UBR4: variants seen among roughly 807,000 people sequenced by gnomAD.
UBR4 encodes the protein E3 ubiquitin-protein ligase UBR4.
Under a neutral mutation model 575.6 loss-of-function variants are expected in UBR4, and 124 were observed. The ratio of observed to expected loss-of-function variants is 0.22; its 90% CI spans 0.19 to 0.25. The LOEUF is 0.25. UBR4 is among the 10% of genes least tolerant of loss of function. The pLI is 1.00. For synonymous variants in UBR4, 2,455 were observed against 2,473.7 expected, an observed-to-expected ratio of 0.99 and a Z score of 0.22; for missense variants, 4,818 against 6,478.8, an observed-to-expected ratio of 0.74 and a Z score of 8.80.
chr1:19,181,942 A>T (rs551015687), intron 17 of UBR4, among the ~76,000 whole-genome samples: 38 of 152,100 alleles, frequency 2.5e-4, no homozygotes, highest in Non-Finnish European at 4.9e-4. Context: ...CACTGTACCC[A>T]CTAAACACCA....
chr1:19,114,387 A>G (rs2080242265), intron 75 of UBR4, among the ~76,000 whole-genome samples: 1 of 152,182 alleles, frequency 6.6e-6, no homozygotes, highest in South Asian at 2.1e-4. Flanking sequence ...TCTTCTGTTA[A>G]CCCTATAGGT....
At position 19,178,919 on chromosome 1, in the gene UBR4, C is replaced by T. The variant is rs531112234; in HGVS notation, c.2354+132G>A. 3.8e-4 allele frequency: 446 copies of T among 1,165,876 alleles called. 1 individual carries two copies. The highest frequency in any genetic ancestry group is 7.0e-4 in the South Asian group (49 of 69,596). 72.2% of individuals were successfully genotyped at this position (1,165,876 alleles called of 1,614,324 possible). A position where few individuals can be genotyped will look rare whatever the true frequency, so the allele number is the denominator to read the frequency against. On this transcript the variant is annotated intron_variant, in intron 18 of 105. Coordinates refer to ENST00000375254, the MANE Select transcript of UBR4 (RefSeq NM_020765.3). ...TAACAGCACATCTCCAAGTCCATCCCTCTTCTACCCTCCCCACTCTAAACA... is the reference window on the plus strand; with the variant it reads ...TAACAGCACATCTCCAAGTCCATCCTTCTTCTACCCTCCCCACTCTAAACA...
Position 19,121,081 on chromosome 1 carries a change from C to A in UBR4, c.10141+108G>T. The A allele has an allele frequency of 2.7e-6, 4 of 1,470,716 alleles. No homozygotes were observed. The South Asian group carries it at 4.1e-5, about 15-fold the overall frequency. The allele number at this position is 1,470,716 out of a possible 1,614,324, so 91.1% of individuals were successfully genotyped here. A position where few individuals can be genotyped will look rare whatever the true frequency, so the allele number is the denominator to read the frequency against. ...ACTAGAGAACATTTGGGCTTTAAGTCCCCTCTAAATCAGGATTAAAAGACC... is the reference window on the plus strand; with the variant it reads ...ACTAGAGAACATTTGGGCTTTAAGTACCCTCTAAATCAGGATTAAAAGACC... On this transcript the variant is annotated intron_variant, in intron 68 of 105. Coordinates refer to ENST00000375254, the MANE Select transcript of UBR4 (RefSeq NM_020765.3).
Position 19,100,253 on chromosome 1 carries a change from T to C in UBR4, c.13221+123A>G. On this transcript the variant is annotated intron_variant, in intron 89 of 105. Transcript: ENST00000375254. The surrounding 1 kb of genome is among the most constrained non-coding windows in gnomAD (Gnocchi z 4.2). Reference sequence around the variant, plus strand: ...GAATCATTAACCCCAACTTACAGAGTGGAGAAACTGAAGGCCACCTGCCCC... The same window carrying C: ...GAATCATTAACCCCAACTTACAGAGCGGAGAAACTGAAGGCCACCTGCCCC... The C allele has an allele frequency of 2.0e-6, 2 of 991,824 alleles. No homozygotes were observed. The highest frequency in any genetic ancestry group is 3.1e-6 in the Non-Finnish European group (2 of 647,968). The allele number at this position is 991,824 out of a possible 1,614,324, so 61.4% of individuals were successfully genotyped here.
Position 19,192,242 on chromosome 1 carries a change from A to G in UBR4, c.1340T>C (p.Ile447Thr). The G allele has an allele frequency of 2.5e-6, 4 of 1,614,218 alleles. No homozygotes were observed. Among genetic ancestry groups the G allele is most frequent in the Non-Finnish European group, 3.4e-6 (4 of 1,180,028 alleles). The change falls in exon 11 of 106, where the codon ATC becomes ACC. Residue 447 changes from isoleucine to threonine, a missense_variant. Ile to Thr is a moderately conservative substitution (Grantham distance 89). Around this residue, in one of 29 missense-constraint regions of UBR4, gnomAD observed 162 missense variants for 216.4 expected, o/e 0.75. Coordinates refer to ENST00000375254, the MANE Select transcript of UBR4 (RefSeq NM_020765.3). The stretch of plus-strand genomic sequence containing the variant: ...CACTCCCTCTTTAGTACGAGAAAGG[A>G]TGTCTCTGACTCGGAGGGCAGCCAG... ...DPLAALRVRDILSRTKEGVGS... is the reference protein window; with the variant it reads ...DPLAALRVRDTLSRTKEGVGS...
intron 105 of UBR4, chr1:19,075,247 G>C (rs2075809289): frequency 3.3e-6 from 1 of 306,876 alleles, no homozygotes; most frequent in Admixed American, 4.6e-5. Context: ...GCCTGGCAAA[G>C]GCTCTGGCTC....
In UBR4 at chr1:19,177,542, C is replaced by A; in HGVS notation, c.2556G>T (p.Pro852=). Residue 852 remains proline (P), a synonymous_variant, in exon 19 of 106, where the codon CCG becomes CCT. Transcript: ENST00000375254. ...TGAGAAGGAGGCGAGCCAAGATAAG[C>A]GGCACGAAGCGCATCTGAGCATCCA... ...VNMDAQMRFV[P]LILARLLLIF... 1.2e-6 allele frequency: 2 copies of A among 1,613,874 alleles called. No homozygotes were observed. The highest frequency in any genetic ancestry group is 1.7e-6 in the Non-Finnish European group (2 of 1,179,994).
chr1:19,117,047 A>T lies in UBR4; in HGVS notation c.10823+174T>A, dbSNP rs2080624005. 6.6e-6 allele frequency among the ~76,000 whole-genome samples: 1 copy of T among 152,184 alleles called. No homozygotes were observed. The highest frequency in any genetic ancestry group is 6.5e-5 in the Admixed American group (1 of 15,278). On this transcript the variant is annotated intron_variant, in intron 73 of 105. Coordinates refer to ENST00000375254, the MANE Select transcript of UBR4 (RefSeq NM_020765.3). This position sits in a 1 kb window ranked among gnomAD's most constrained non-coding sequence, Gnocchi z 4.0. ...GGCTAATTTAGAAATAATCTTTGTC[A>T]ACATGCTTAGAACTGTTGTTTCACT... is the stretch of plus-strand genomic sequence containing the variant.
rs761924861 is a variant in UBR4 at position 19,115,391 on chromosome 1, G to A, written c.11063+7C>T. The stretch of plus-strand genomic sequence containing the variant: ...AGCCCTGGCCTAGGGGATGACCAAT[G>A]ACTTACCTGCATTTGTGACACTGGT... On this transcript the variant is annotated splice_region_variant and intron_variant, in intron 74 of 105. Transcript: ENST00000375254. The A allele has an allele frequency of 1.2e-6, 2 of 1,613,652 alleles. No homozygotes were observed. Among genetic ancestry groups the A allele is most frequent in the Non-Finnish European group, 1.7e-6 (2 of 1,179,766 alleles).
At chr1:19,146,022 C>G (rs776285737) in intron 52 of UBR4, 89 bp from the exon 53 acceptor site, 9 of 1,602,968 alleles carry the variant, frequency 5.6e-6, no homozygotes, top group Non-Finnish European at 6.8e-6. Flanking sequence ...AGGAAGCTTG[C>G]CTGGGGAGGG....
intron 26 of UBR4, 104 bp downstream of exon 26, chr1:19,170,658 C>G: frequency 6.7e-7 from 1 of 1,495,898 alleles, no homozygotes; most frequent in East Asian, 2.3e-5. Context: ...CAAAAAGGCT[C>G]CAATAAATAG....
Position 19,110,311 on chromosome 1 carries a change from C to G in UBR4, c.11977+69G>C. The stretch of plus-strand genomic sequence containing the variant: ...CCGCCCAAGCATCAGTTTCCCTCCT[C>G]CCCTCCCAGTCCGGCCAGGACTGCT... On this transcript the variant is annotated intron_variant, in intron 80 of 105. Transcript: ENST00000375254. The surrounding 1 kb of genome is among the most constrained non-coding windows in gnomAD (Gnocchi z 4.5). 6.2e-7 allele frequency: 1 copy of G among 1,612,968 alleles called. No homozygotes were observed. Among genetic ancestry groups the G allele is most frequent in the Non-Finnish European group, 8.5e-7 (1 of 1,179,100 alleles).
chr1:19,156,975 A>G, intron 40 of UBR4, 50 bp from the exon 41 acceptor site: 1 of 1,570,598 alleles, frequency 6.4e-7, no homozygotes, highest in East Asian at 2.3e-5. Flanking sequence ...CCTCTCAGAG[A>G]AGTCAAAGCA....
In UBR4 at chr1:19,127,665, G is replaced by A. The variant is rs2081972289; in HGVS notation, c.9186C>T (p.Phe3062=). 6.2e-7 allele frequency: 1 copy of A among 1,614,140 alleles called. No individual in the cohort carries two copies. The highest frequency in any genetic ancestry group is 8.5e-7 in the Non-Finnish European group (1 of 1,180,016). The part of the protein sequence containing the change: ...HLVVMRLLSV[F]MSRTKSGSKS... ...TGGATCCAGATTTGGTGCGGGACATGAAGACACTCAGGAGTCTCATTACTA... is the reference window on the plus strand; with the variant it reads ...TGGATCCAGATTTGGTGCGGGACATAAAGACACTCAGGAGTCTCATTACTA... The change falls in exon 63 of 106, where the codon TTC becomes TTT. Residue 3062 remains phenylalanine, a synonymous_variant. Coordinates refer to ENST00000375254, the MANE Select transcript of UBR4 (RefSeq NM_020765.3).
intron 78 of UBR4, among the ~76,000 whole-genome samples, chr1:19,111,133 C>T (rs1326952263): frequency 2.6e-5 from 4 of 152,206 alleles, no homozygotes; most frequent in Non-Finnish European, 4.4e-5. Context: ...GACACAGTCT[C>T]CAAAACCTAG....
rs779455467 is a variant in UBR4, at chr1:19,099,578, C to T, written c.13302+19G>A. ...AGAAAAGTGAAACCACACCTCCAAA[C>T]GAGAAAGCAGGCACATACCTCATTC... On this transcript the variant is annotated intron_variant, in intron 90 of 105. Coordinates refer to ENST00000375254, the MANE Select transcript of UBR4 (RefSeq NM_020765.3). 6.8e-6 allele frequency: 11 copies of T among 1,610,066 alleles called. No homozygotes were observed. The South Asian group carries it at 1.0e-4, about 15-fold the overall frequency.
intron 102 of UBR4, among the ~76,000 whole-genome samples, chr1:19,083,799 G>A (rs558129027): frequency 7.2e-5 from 11 of 152,314 alleles, no homozygotes; most frequent in South Asian, 4.1e-4. Flanking sequence ...GATGACAGGC[G>A]TGAGCCACCG....
chr1:19,163,687 G>A (rs933218712), intron 34 of UBR4, 77 bp downstream of exon 34: 8 of 1,486,606 alleles, frequency 5.4e-6, no homozygotes, highest in Admixed American at 1.7e-5. Context: ...CAATAGGAAC[G>A]AGAGACTTCC....
chr1:19,110,639 C>T lies in UBR4; in HGVS notation c.11892+103G>A. 7.0e-7 allele frequency: 1 copy of T among 1,421,298 alleles called. No individual in the cohort carries two copies. 88.0% of individuals were successfully genotyped at this position (1,421,298 alleles called of 1,614,324 possible). ...ACCATTCTGGGGTAATGTTCTGCTC[C>T]TTCCCTCCTCAGTCACCGCAGGACC... On this transcript the variant is annotated intron_variant, in intron 79 of 105. Transcript: ENST00000375254. This position sits in a 1 kb window ranked among gnomAD's most constrained non-coding sequence, Gnocchi z 4.5.
Sources: gnomAD v4.1 joint callset for allele counts (sites outside exome capture counted in the v4.1 genomes callset) on GRCh38, gnomAD v4.1.1 for gene constraint, gnomAD v4.1.1 regional missense constraint, Gnocchi (gnomAD v3.1) non-coding constraint, MANE v1.5 for transcripts, NCBI Gene and HGNC (gene_info 2026-07-23, HGNC 2026-07-21) for gene names.